Variants in RIPOR2 observed in about 807,000 individuals in gnomAD.
RIPOR2 encodes the protein rho family-interacting cell polarization regulator 2.
A neutral mutation model predicts 114.5 loss-of-function variants in RIPOR2; 39 were observed. The ratio of observed to expected loss-of-function variants is 0.34; its 90% CI spans 0.26 to 0.44. RIPOR2 has a LOEUF of 0.44. Among genes scored for constraint, RIPOR2 ranks in the 20% least tolerant of loss-of-function variants. The probability of loss-of-function intolerance (pLI) is 1.00; values close to 1 mark genes in which losing one functional copy is unlikely to be tolerated. For synonymous variants in RIPOR2, 445 were observed against 484.4 expected, an observed-to-expected ratio of 0.92 and a Z score of 1.07; for missense variants, 1,007 against 1,255.1, an observed-to-expected ratio of 0.80 and a Z score of 2.99.
intron 1 of RIPOR2, among the ~76,000 whole-genome samples, chr6:24,998,890 T>A (rs946711524): frequency 1.9e-4 from 28 of 147,846 alleles, no homozygotes; most frequent in African/African-American, 6.4e-4. Flanking sequence ...TTTTTTTTTT[T>A]ATTGTAGAGC....
intron 1 of RIPOR2, among the ~76,000 whole-genome samples, chr6:24,901,395 A>G (rs1335582736): frequency 1.3e-5 from 2 of 152,204 alleles, no homozygotes; most frequent in Non-Finnish European, 2.9e-5. Context: ...AACAAAAACT[A>G]CATCTGGAAA....
At chr6:24,904,173 A>G (rs917062082) in intron 1 of RIPOR2, among the ~76,000 whole-genome samples, 29 of 152,254 alleles carry the variant, frequency 1.9e-4, no homozygotes, top group African/African-American at 6.5e-4. Context: ...ACTGGCTTAA[A>G]GTGAAAATGA....
At chr6:24,811,192 A>AT (rs1781124079) in intron 20 of RIPOR2, among the ~76,000 whole-genome samples, 1 of 134,404 alleles carries the variant, frequency 7.4e-6, no homozygotes, top group African/African-American at 3.0e-5. Flanking sequence ...CTTTTCCAAG[A>AT]TTTTGGCAAG....
chr6:24,954,268 T>C (rs924736459), intron 1 of RIPOR2, among the ~76,000 whole-genome samples: 2 of 152,142 alleles, frequency 1.3e-5, no homozygotes, highest in East Asian at 3.8e-4. Flanking sequence ...CGCTAGTCAG[T>C]GTCTTCAGAT....
intron 12 of RIPOR2, among the ~76,000 whole-genome samples, chr6:24,844,960 T>TCC (rs1762111421): frequency 1.3e-5 from 2 of 151,894 alleles, no homozygotes; most frequent in African/African-American, 4.8e-5. Context: ...AGACAAAGGC[T>TCC]CCCCTTCCTC....
In RIPOR2 at chr6:24,991,894, C is replaced by A. The variant is rs1015836189; in HGVS notation, c.76+49957G>T. ...CTAACCCCATCCAGGCAGGAAGCAG[C>A]CCCACATCCCTCTTCTTGTACCTGA... On this transcript the variant is annotated intron_variant, in intron 1 of 13. Coordinates refer to the RIPOR2 transcript ENST00000510784. Among the ~76,000 whole-genome samples, 22 of 152,186 alleles carry A rather than the reference C, an allele frequency of 1.4e-4. 1 individual carries two copies. Among genetic ancestry groups the A allele is most frequent in the African/African-American group, 5.3e-4 (22 of 41,446 alleles).
At chr6:24,852,509 G>T in intron 9 of RIPOR2, 66 bp downstream of exon 9, 13 of 1,147,812 alleles carry the variant, frequency 1.1e-5, no homozygotes, top group Non-Finnish European at 1.5e-5. Context: ...GCAAAATAAT[G>T]ACATGACAAC....
intron 1 of RIPOR2, among the ~76,000 whole-genome samples, chr6:25,025,777 A>C (rs1776587476): frequency 6.6e-6 from 1 of 152,214 alleles, no homozygotes; most frequent in Non-Finnish European, 1.5e-5. Context: ...TTTAAGGAGC[A>C]ATCTTTCCCT....
rs961499910 is a variant in RIPOR2, at chr6:24,872,932, C to A, written c.372G>T (p.Glu124Asp). The change falls in exon 4 of 22, where the codon GAG becomes GAT. Residue 124 changes from glutamate to aspartate, a missense_variant. Coordinates refer to ENST00000643898, the MANE Select transcript of RIPOR2 (RefSeq NM_001286445.3). The stretch of plus-strand genomic sequence containing the variant: ...TTAACTGAGCTGTCAACTTGTCCAG[C>A]TCCGTCTGGTGAACCTCCAGATATT... The part of the protein sequence containing the change: ...LDEYLEVHQT[E>D]LDKLTAQLKD... 1 of 1,612,454 alleles carries A rather than the reference C, an allele frequency of 6.2e-7. No homozygotes were observed. Among genetic ancestry groups the A allele is most frequent in the Non-Finnish European group, 8.5e-7 (1 of 1,178,724 alleles).
chr6:24,931,600 C>T (rs1771394150), intron 1 of RIPOR2, among the ~76,000 whole-genome samples: 1 of 152,224 alleles, frequency 6.6e-6, no homozygotes, highest in Admixed American at 6.5e-5. Context: ...CTCAGTTGCA[C>T]TCTACCAGCT....
At chr6:24,868,655 A>AG (rs1157543465) in intron 6 of RIPOR2, among the ~76,000 whole-genome samples, 2 of 152,182 alleles carry the variant, frequency 1.3e-5, no homozygotes, top group African/African-American at 2.4e-5. Context: ...CAAGGGCTTG[A>AG]GAGAGATTGA....
intron 1 of RIPOR2, among the ~76,000 whole-genome samples, chr6:24,887,132 C>G (rs1282792822): frequency 6.6e-6 from 1 of 152,234 alleles, no homozygotes; most frequent in Admixed American, 6.5e-5. Context: ...CCAGAGGGCT[C>G]TCACATTGCG....
chr6:24,806,468 C>T lies in RIPOR2; in HGVS notation c.3049G>A (p.Asp1017Asn), dbSNP rs1780778309. Reference protein sequence around the residue: ...ASETLLSLGEDGRLAYEQLDK... With the variant: ...ASETLLSLGENGRLAYEQLDK... ...AATTGTTCATATGCCAGCCGCCCAT[C>T]TTCTCCTAAATACAGAACATTAAAC... Residue 1017 changes from aspartate (D) to asparagine (N), a missense_variant, in exon 22 of 22, where the codon GAT (aspartate) becomes AAT (asparagine). By Grantham distance (23) the Asp-to-Asn change is conservative (BLOSUM62 1). Coordinates refer to ENST00000643898, the MANE Select transcript of RIPOR2 (RefSeq NM_001286445.3). 1.9e-6 allele frequency: 3 copies of T among 1,550,342 alleles called. No homozygotes were observed. Among genetic ancestry groups the T allele is most frequent in the Non-Finnish European group, 1.7e-6 (2 of 1,145,912 alleles).
chr6:24,930,685 C>T (rs1047424981), intron 1 of RIPOR2, among the ~76,000 whole-genome samples: 1 of 152,192 alleles, frequency 6.6e-6, no homozygotes, highest in Non-Finnish European at 1.5e-5. Flanking sequence ...CTGCTCCAGA[C>T]CCTGGGACAA....
rs374936397 is a variant in RIPOR2, at chr6:24,843,101, C to T, written c.1618G>A (p.Gly540Arg). Residue 540 changes from glycine to arginine, a missense_variant, in exon 13 of 22, where the codon GGA becomes AGA. By Grantham distance (125) the Gly-to-Arg change is moderately radical. Coordinates refer to ENST00000643898, the MANE Select transcript of RIPOR2 (RefSeq NM_001286445.3). Reference protein sequence around the residue: ...LKPVELDTSEGNITKQLVKRL... With the variant: ...LKPVELDTSERNITKQLVKRL... ...TTGACCAGCTGCTTTGTGATGTTTC[C>T]TTCCGAAGTGTCCAGTTCCACAGGC... 3.7e-6 allele frequency: 6 copies of T among 1,613,882 alleles called. No individual in the cohort carries two copies. The African/African-American group carries it at 4.0e-5, about 11-fold the overall frequency.
intron 1 of RIPOR2, among the ~76,000 whole-genome samples, chr6:24,959,687 G>T (rs1773213896): frequency 6.6e-6 from 1 of 152,132 alleles, no homozygotes; most frequent in Admixed American, 6.5e-5. Flanking sequence ...CTAACTGCTT[G>T]GTAAATTTTG....
upstream of RIPOR2, among the ~76,000 whole-genome samples, chr6:24,939,850 C>T (rs749225306): frequency 4.6e-5 from 7 of 152,136 alleles, no homozygotes; most frequent in Non-Finnish European, 8.8e-5. Context: ...TTTGTGACAA[C>T]CTGTACTAAA....
At position 24,872,935 on chromosome 6, in the gene RIPOR2, C is replaced by G. The variant is rs1484068924; in HGVS notation, c.369G>C (p.Thr123=). ...ACTGAGCTGTCAACTTGTCCAGCTCCGTCTGGTGAACCTCCAGATATTCAC... is the reference window on the plus strand; with the variant it reads ...ACTGAGCTGTCAACTTGTCCAGCTCGGTCTGGTGAACCTCCAGATATTCAC... ...GLDEYLEVHQ[T]ELDKLTAQLK... is the part of the protein sequence containing the mutation. The change falls in exon 4 of 22, where the codon ACG becomes ACC. Residue 123 remains threonine, a synonymous_variant. Transcript: ENST00000643898. 5 of 1,611,748 alleles carry G rather than the reference C, an allele frequency of 3.1e-6. No individual in the cohort carries two copies. The highest frequency in any genetic ancestry group is 4.2e-6 in the Non-Finnish European group (5 of 1,178,134).
At chr6:24,972,652 A>G (rs1315427252) in intron 1 of RIPOR2, among the ~76,000 whole-genome samples, 1 of 152,204 alleles carries the variant, frequency 6.6e-6, no homozygotes, top group Admixed American at 6.5e-5. Flanking sequence ...TCAGAGAGGT[A>G]GATTTAAGCT....
Sources: allele counts gnomAD v4.1 joint callset (sites outside exome capture counted in the v4.1 genomes callset), GRCh38; gene constraint gnomAD v4.1.1; transcripts MANE v1.5; gene names NCBI Gene and HGNC (gene_info 2026-07-23, HGNC 2026-07-21).